The following RNLS variants were observed in gnomAD, a reference collection of about 807,000 sequenced individuals.
RNLS encodes the protein renalase, FAD dependent amine oxidase.
In RNLS, 39 loss-of-function variants were observed where a neutral mutation model predicts 39.8. The ratio of observed to expected loss-of-function variants is 0.98; its 90% CI spans 0.76 to 1.28. The LOEUF is 1.28. Among genes scored for constraint, RNLS ranks in the 50% most tolerant of loss-of-function variants. The pLI is 0.00. For missense variants in RNLS, 410 were observed against 413.3 expected, an observed-to-expected ratio of 0.99 and a Z score of 0.07; for synonymous variants, 147 against 150.7, an observed-to-expected ratio of 0.98 and a Z score of 0.18.
At chr10:88,216,935 C>T in the RNLS span, among the ~76,000 whole-genome samples, 19 of 152,190 alleles carry the variant, frequency 1.2e-4, no homozygotes, top group East Asian at 1.2e-3. Context: ...GTTGCCCAGG[C>T]GCTGGTTAGG....
At chr10:88,391,208 G>C (rs1361133184) in intron 4 of RNLS, among the ~76,000 whole-genome samples, 2 of 152,104 alleles carry the variant, frequency 1.3e-5, no homozygotes, top group African/African-American at 4.8e-5. Flanking sequence ...TTATTATTAT[G>C]ATATTCCTTT....
chr10:88,353,290 T>C (rs551260162), intron 5 of RNLS, among the ~76,000 whole-genome samples: 6 of 152,352 alleles, frequency 3.9e-5, no homozygotes, highest in Non-Finnish European at 4.4e-5. Flanking sequence ...CTAGTTCTTT[T>C]AATTGTGATG....
the RNLS span, among the ~76,000 whole-genome samples, chr10:88,225,492 T>C: frequency 2.0e-5 from 3 of 152,206 alleles, no homozygotes; most frequent in Admixed American, 2.0e-4. Context: ...GATGGGAGGC[T>C]TGCTTAAGTC....
At chr10:88,485,991 A>C (rs1335002432) in intron 4 of RNLS, among the ~76,000 whole-genome samples, 5 of 152,072 alleles carry the variant, frequency 3.3e-5, no homozygotes, top group African/African-American at 1.2e-4. Flanking sequence ...TCAAAATTAA[A>C]AATTTTTATT....
chr10:88,248,956 G>GTCTAGTGACCCTCTACTCA, the RNLS span, among the ~76,000 whole-genome samples: 6 of 152,260 alleles, frequency 3.9e-5, no homozygotes, highest in Middle Eastern at 0.014. Flanking sequence ...CTCCTTATCT[G>GTCTAGTGACCCTCTACTCA]TCTAGTGACC....
chr10:88,325,195 A>G (rs1259040266), intron 5 of RNLS, among the ~76,000 whole-genome samples: 2 of 152,186 alleles, frequency 1.3e-5, no homozygotes, highest in African/African-American at 4.8e-5. Context: ...TGGGAAATCT[A>G]TCTTTAATTT....
At chr10:88,474,075 CAG>C (rs1843682786) in intron 4 of RNLS, among the ~76,000 whole-genome samples, 1 of 152,028 alleles carries the variant, frequency 6.6e-6, no homozygotes, top group African/African-American at 2.4e-5. Flanking sequence ...AACATTCAAT[CAG>C]GAAATTAGTT....
chr10:88,181,300 A>G, the RNLS span, among the ~76,000 whole-genome samples: 1 of 152,162 alleles, frequency 6.6e-6, no homozygotes, highest in South Asian at 2.1e-4. Flanking sequence ...TGTCAGTCCT[A>G]CTACCAAGAG....
intron 4 of RNLS, among the ~76,000 whole-genome samples, chr10:88,398,056 C>T (rs1018381199): frequency 6.6e-5 from 10 of 152,104 alleles, no homozygotes; most frequent in South Asian, 4.1e-4. Context: ...GCCATGTTTT[C>T]GTACATGTTT....
At chr10:88,211,143 C>T in the RNLS span, among the ~76,000 whole-genome samples, 2 of 152,070 alleles carry the variant, frequency 1.3e-5, no homozygotes, top group Admixed American at 6.6e-5. Context: ...CTTTAAATAT[C>T]GATTTCATCG....
chr10:88,428,250 A>G (rs1854924640), intron 4 of RNLS, among the ~76,000 whole-genome samples: 2 of 151,996 alleles, frequency 1.3e-5, no homozygotes, highest in African/African-American at 4.8e-5. Context: ...AGCTAGGACT[A>G]TTACTAATAA....
chr10:88,285,962 T>TCCA (rs1843237603), intron 6 of RNLS, among the ~76,000 whole-genome samples: 1 of 152,064 alleles, frequency 6.6e-6, no homozygotes, highest in African/African-American at 2.4e-5. Context: ...GTTGGTCCTT[T>TCCA]CCACCATGTG....
chr10:88,563,042 A>T (rs796499524), intron 4 of RNLS, among the ~76,000 whole-genome samples: 3 of 152,256 alleles, frequency 2.0e-5, no homozygotes, highest in African/African-American at 7.2e-5. Flanking sequence ...AAGCTATAAA[A>T]TTTTACTGAG....
chr10:88,439,113 T>C (rs1214625563), intron 4 of RNLS, among the ~76,000 whole-genome samples: 11 of 152,162 alleles, frequency 7.2e-5, no homozygotes, highest in Admixed American at 7.2e-4. Context: ...TTATTTCCCC[T>C]TTCTCATATA....
chr10:88,532,928 G>A (rs1847521897), intron 4 of RNLS, among the ~76,000 whole-genome samples: 3 of 152,088 alleles, frequency 2.0e-5, no homozygotes, highest in Admixed American at 2.0e-4. Flanking sequence ...TAATAAGAAG[G>A]TGCTCTAGGT....
intron 4 of RNLS, among the ~76,000 whole-genome samples, chr10:88,448,287 A>G (rs1013825598): frequency 1.3e-5 from 2 of 151,910 alleles, no homozygotes; most frequent in African/African-American, 4.8e-5. Flanking sequence ...TCCAGAATCT[A>G]CAAAGAAATT....
At chr10:88,522,865 C>T (rs1338466051) in intron 4 of RNLS, among the ~76,000 whole-genome samples, 1 of 152,102 alleles carries the variant, frequency 6.6e-6, no homozygotes, top group African/African-American at 2.4e-5. Flanking sequence ...TCACTGTAAG[C>T]AGGACAAAAG....
At chr10:88,314,972 C>T (rs1845647255) in intron 5 of RNLS, among the ~76,000 whole-genome samples, 1 of 152,122 alleles carries the variant, frequency 6.6e-6, no homozygotes, top group Non-Finnish European at 1.5e-5. Flanking sequence ...AAATTGCTAG[C>T]TCTTCAGGGC....
chr10:88,366,663 G>GAA (rs774157650), intron 4 of RNLS, among the ~76,000 whole-genome samples: 3,297 of 25,784 alleles, frequency 0.13, 719 homozygotes, highest in African/African-American at 0.17. Context: ...TAAGTTTTCT[G>GAA]AAAAAAAAAA....
Sources: gnomAD v4.1 joint callset for allele counts (sites outside exome capture counted in the v4.1 genomes callset) on GRCh38, gnomAD v4.1.1 for gene constraint, MANE v1.5 for transcripts, NCBI Gene and HGNC (gene_info 2026-07-23, HGNC 2026-07-21) for gene names.